Variants in PRICKLE2 observed in about 807,000 individuals in gnomAD.
The protein encoded by PRICKLE2 is prickle planar cell polarity protein 2.
Under a neutral mutation model 81.4 loss-of-function variants are expected in PRICKLE2, and 21 were observed. That is an observed-to-expected ratio of 0.26 (90% CI 0.18 to 0.37). The LOEUF (loss-of-function observed/expected upper bound fraction) is 0.37, where lower values mean the gene tolerates loss of function less well. Ranked by LOEUF, PRICKLE2 falls within the 10% of genes least tolerant of loss-of-function variation. The pLI is 1.00. For missense variants in PRICKLE2, 940 were observed against 1,109.0 expected, an observed-to-expected ratio of 0.85 and a Z score of 2.16; for synonymous variants, 456 against 421.5, an observed-to-expected ratio of 1.08 and a Z score of -1.00.
chr3:64,144,428 G>C (rs2077411381), intron 7 of PRICKLE2, among the ~76,000 whole-genome samples: 1 of 152,208 alleles, frequency 6.6e-6, no homozygotes, highest in Non-Finnish European at 1.5e-5. Context: ...AACAATGTTT[G>C]ACACATTGCA....
intron 7 of PRICKLE2, among the ~76,000 whole-genome samples, chr3:64,134,376 G>A (rs9878228): frequency 0.31 from 47,233 of 152,094 alleles, 7,586 homozygotes; most frequent in East Asian, 0.45. Flanking sequence ...CCCCTCAGAT[G>A]TGGTTCAGAA....
chr3:64,137,394 C>G (rs2077294335), intron 7 of PRICKLE2, among the ~76,000 whole-genome samples: 1 of 152,198 alleles, frequency 6.6e-6, no homozygotes, highest in Non-Finnish European at 1.5e-5. Flanking sequence ...GGCCTCCACC[C>G]TGGACGAATT....
At chr3:64,248,656 C>T (rs1341527724) in intron 2 of PRICKLE2, among the ~76,000 whole-genome samples, 1 of 146,060 alleles carries the variant, frequency 6.8e-6, no homozygotes, top group Non-Finnish European at 1.5e-5. Context: ...AAAACCAAAA[C>T]CAAAAAAAAC....
At chr3:64,119,033 T>C (rs1401687050) in intron 7 of PRICKLE2, among the ~76,000 whole-genome samples, 4 of 152,192 alleles carry the variant, frequency 2.6e-5, no homozygotes, top group East Asian at 1.9e-4. Flanking sequence ...TAGAATACTA[T>C]GCAGCCATAA....
intron 7 of PRICKLE2, among the ~76,000 whole-genome samples, chr3:64,143,798 A>C (rs1158606611): frequency 1.3e-5 from 2 of 152,224 alleles, no homozygotes; most frequent in African/African-American, 4.8e-5. Flanking sequence ...TCAGAGGCTG[A>C]AGTATATATT....
At chr3:64,184,313 A>G (rs2078184575) in intron 2 of PRICKLE2, among the ~76,000 whole-genome samples, 2 of 152,322 alleles carry the variant, frequency 1.3e-5, no homozygotes, top group South Asian at 4.1e-4. Context: ...ACTTGCTCCA[A>G]TCATAAATAT....
At chr3:64,116,252 T>C (rs1261422226) in intron 7 of PRICKLE2, among the ~76,000 whole-genome samples, 2 of 152,018 alleles carry the variant, frequency 1.3e-5, no homozygotes, top group Non-Finnish European at 2.9e-5. Flanking sequence ...GTTAGAAAGA[T>C]CTCAAGTTAA....
chr3:64,156,340 A>T (rs954765041), intron 5 of PRICKLE2, among the ~76,000 whole-genome samples: 57 of 152,232 alleles, frequency 3.7e-4, no homozygotes, highest in African/African-American at 1.3e-3. Context: ...TCTGGCTGAA[A>T]AAGGGGAGTG....
rs760909510 is a variant in PRICKLE2, at chr3:64,146,877, T to C, written c.1613A>G (p.Gln538Arg). Residue 538 changes from glutamine (Q) to arginine (R), a missense_variant, in exon 7 of 8, where the codon CAG becomes CGG. Physicochemically the swap from Gln to Arg is conservative, Grantham distance 43. Transcript: ENST00000638394. ...KYTEDMTPTE[Q>R]TPRGSMESLA... is the part of the protein sequence containing the mutation. The stretch of plus-strand genomic sequence containing the variant: ...GGATTCCATGGAGCCCCGAGGGGTC[T>C]GCTCTGTGGGCGTCATGTCCTCTGT... The C allele has an allele frequency of 3.1e-6, 5 of 1,614,178 alleles. No individual in the cohort carries two copies. In the East Asian group the frequency reaches 1.1e-4, roughly 36 times the overall value.
chr3:64,180,197 G>T (rs1254523830), intron 2 of PRICKLE2, among the ~76,000 whole-genome samples: 2 of 152,204 alleles, frequency 1.3e-5, no homozygotes, highest in Admixed American at 1.3e-4. Context: ...CCTTTGGTCT[G>T]TGCAAGAGAA....
chr3:64,186,155 C>A (rs1283414578), intron 2 of PRICKLE2, among the ~76,000 whole-genome samples: 1 of 152,140 alleles, frequency 6.6e-6, no homozygotes, highest in Admixed American at 6.6e-5. Context: ...AGATATAATA[C>A]AATATGTTTA....
At chr3:64,118,665 A>G (rs2076978158) in intron 7 of PRICKLE2, among the ~76,000 whole-genome samples, 1 of 152,214 alleles carries the variant, frequency 6.6e-6, no homozygotes, top group Admixed American at 6.5e-5. Flanking sequence ...CATACCCATC[A>G]GAATGACTAT....
Position 64,129,712 on chromosome 3 carries a change from G to A in PRICKLE2, c.1660+17118C>T, listed in dbSNP as rs555885417. Among the ~76,000 whole-genome samples the A allele has an allele frequency of 2.0e-5, 3 of 152,160 alleles. No homozygotes were observed. The South Asian group carries it at 6.2e-4, about 32-fold the overall frequency. ...ACTGGCAGCTACTGAGGTTGTTTGG[G>A]CTGAGACTCGGCTTTAATGTATAAT... On this transcript the variant is annotated intron_variant, in intron 7 of 7. Coordinates refer to ENST00000638394, the MANE Select transcript of PRICKLE2 (RefSeq NM_198859.4).
At chr3:64,116,545 C>A (rs939323486) in intron 7 of PRICKLE2, among the ~76,000 whole-genome samples, 2 of 152,074 alleles carry the variant, frequency 1.3e-5, no homozygotes, top group African/African-American at 4.8e-5. Context: ...ATATAAACAA[C>A]CATCAGAGAA....
chr3:64,257,862 G>A (rs1321211315), intron 2 of PRICKLE2, among the ~76,000 whole-genome samples: 1 of 152,136 alleles, frequency 6.6e-6, no homozygotes, highest in African/African-American at 2.4e-5. Context: ...GGGCTTTTGG[G>A]AGGTGATTAG....
intron 7 of PRICKLE2, among the ~76,000 whole-genome samples, chr3:64,126,652 A>G (rs981974827): frequency 6.6e-6 from 1 of 151,996 alleles, no homozygotes; most frequent in Non-Finnish European, 1.5e-5. Context: ...ATCTCAGCTC[A>G]CTGCAACCTC....
chr3:64,229,890 T>TA (rs2079077767), upstream of PRICKLE2, among the ~76,000 whole-genome samples: 1 of 152,222 alleles, frequency 6.6e-6, no homozygotes, highest in African/African-American at 2.4e-5. Flanking sequence ...GATGATGCAG[T>TA]AACATATGAT....
chr3:64,199,408 T>C (rs563026399), intron 1 of PRICKLE2: 1 of 174,496 alleles, frequency 5.7e-6, no homozygotes, highest in Non-Finnish European at 1.2e-5. Context: ...ATACTGCTTT[T>C]ATAAAAGGTT....
intron 7 of PRICKLE2, among the ~76,000 whole-genome samples, chr3:64,124,551 G>A (rs947840687): frequency 6.6e-6 from 1 of 152,106 alleles, no homozygotes; most frequent in Non-Finnish European, 1.5e-5. Context: ...CTTCAGTTAG[G>A]GGCTAATGCA....
Sources: allele counts gnomAD v4.1 joint callset (sites outside exome capture counted in the v4.1 genomes callset), GRCh38; gene constraint gnomAD v4.1.1; transcripts MANE v1.5; gene names NCBI Gene and HGNC (gene_info 2026-07-23, HGNC 2026-07-21).